DDX23: variants seen among roughly 807,000 people sequenced by gnomAD.
DDX23 encodes DEAD-box helicase 23.
In DDX23, 33 loss-of-function variants were observed where a neutral mutation model predicts 102.7. That is an observed-to-expected ratio of 0.32 (90% CI 0.24 to 0.43). The LOEUF is 0.43. Among genes scored for constraint, DDX23 ranks in the 20% least tolerant of loss-of-function variants. The probability of loss-of-function intolerance (pLI) is 1.00; values close to 1 mark genes in which losing one functional copy is unlikely to be tolerated. For missense variants in DDX23, 549 were observed against 1,086.6 expected (o/e 0.51, Z 6.96); for synonymous variants, 352 against 376.0 (o/e 0.94, Z 0.74).
At position 48,836,390 on chromosome 12, in the gene DDX23, G is replaced by A. The variant is rs1938468118; in HGVS notation, c.1237-124C>T. On this transcript the variant is annotated intron_variant, in intron 10 of 16. Transcript: ENST00000308025. This position sits in a 1 kb window ranked among gnomAD's most constrained non-coding sequence, Gnocchi z 6.1. ...ATGCCAAGTACAGTTCACAGAAATA[G>A]GGACCCCAAGAAGAAACCTAATCAC... 1.5e-6 allele frequency: 2 copies of A among 1,318,038 alleles called. No homozygotes were observed. The highest frequency in any genetic ancestry group is 2.1e-6 in the Non-Finnish European group (2 of 942,910). 81.6% of individuals were successfully genotyped at this position (1,318,038 alleles called of 1,614,324 possible).
In DDX23 at chr12:48,836,334, T is replaced by C. The variant is rs1053860231; in HGVS notation, c.1237-68A>G. On this transcript the variant is annotated intron_variant, in intron 10 of 16. Coordinates refer to ENST00000308025, the MANE Select transcript of DDX23 (RefSeq NM_004818.3). This position sits in a 1 kb window ranked among gnomAD's most constrained non-coding sequence, Gnocchi z 6.1. ...ATACCACCTGGGCAACCACTGATAG[T>C]AGTAAGCACATCTGCTAGCACAATG... 4 of 1,551,850 alleles carry C rather than the reference T, an allele frequency of 2.6e-6. No individual in the cohort carries two copies. In the Admixed American group the frequency reaches 6.7e-5, roughly 26 times the overall value.
chr12:48,841,703 T>G (rs977205128), intron 3 of DDX23, among the ~76,000 whole-genome samples: 56 of 152,234 alleles, frequency 3.7e-4, no homozygotes, highest in Non-Finnish European at 3.4e-4. Flanking sequence ...CCGCGAGTGA[T>G]CCGCCAGCCT....
rs750432832 is a variant in DDX23 at position 48,836,523 on chromosome 12, G to A, written c.1236+46C>T. ...AACAAAGTTCTCTATTCCCAAACTA[G>A]TGTAGGAACATGTCAGATCTCTTGG... On this transcript the variant is annotated intron_variant, in intron 10 of 16. Transcript: ENST00000308025. This position sits in a 1 kb window ranked among gnomAD's most constrained non-coding sequence, Gnocchi z 6.1. 1 of 1,571,888 alleles carries A rather than the reference G, an allele frequency of 6.4e-7. No individual in the cohort carries two copies. The highest frequency in any genetic ancestry group is 8.7e-7 in the Non-Finnish European group (1 of 1,144,982).
In DDX23 at chr12:48,832,818, G is replaced by A. The variant is rs186648845; in HGVS notation, c.1804-245C>T. 13 of 548,988 alleles carry A rather than the reference G, an allele frequency of 2.4e-5. No individual in the cohort carries two copies. The highest frequency in any genetic ancestry group is 6.7e-5 in the Admixed American group (2 of 29,946). The allele number at this position is 548,988 out of a possible 1,614,324, so 34.0% of individuals were successfully genotyped here. A position where few individuals can be genotyped will look rare whatever the true frequency, so the allele number is the denominator to read the frequency against. On this transcript the variant is annotated intron_variant, in intron 13 of 16. Transcript: ENST00000308025. The surrounding 1 kb of genome is among the most constrained non-coding windows in gnomAD (Gnocchi z 4.4). ...AGCATTTGCTAGCACCTGTGGTCCC[G>A]GTAGCAGCATGAGTCTTTGGAATCG...
At chr12:48,847,636 T>A (rs897975530) in intron 1 of DDX23, among the ~76,000 whole-genome samples, 1 of 151,548 alleles carries the variant, frequency 6.6e-6, no homozygotes, top group East Asian at 1.9e-4. Flanking sequence ...GAGACCAACC[T>A]GGGCAATATG....
intron 2 of DDX23, among the ~76,000 whole-genome samples, chr12:48,844,785 TA>T (rs887311975): frequency 6.6e-6 from 1 of 151,558 alleles, no homozygotes; most frequent in South Asian, 2.1e-4. Flanking sequence ...TCTCAACTTT[TA>T]AGAGTTGGGT....
rs1938421259 is a variant in DDX23, at chr12:48,833,530, C to G, written c.1561-11G>C. 6.2e-7 allele frequency: 1 copy of G among 1,611,816 alleles called. No individual in the cohort carries two copies. The highest frequency in any genetic ancestry group is 8.5e-7 in the Non-Finnish European group (1 of 1,178,926). Reference sequence around the variant, plus strand: ...GGTAGCAATCACAATCTGAGGAGTACAGTATAATCATTTATAGCCCAGCAG... The same window carrying G: ...GGTAGCAATCACAATCTGAGGAGTAGAGTATAATCATTTATAGCCCAGCAG... On this transcript the variant is annotated splice_polypyrimidine_tract_variant and intron_variant, in intron 12 of 16. Coordinates refer to ENST00000308025, the MANE Select transcript of DDX23 (RefSeq NM_004818.3).
chr12:48,836,582 T>C lies in DDX23; in HGVS notation c.1223A>G (p.Lys408Arg). 2 of 1,613,462 alleles carry C rather than the reference T, an allele frequency of 1.2e-6. No homozygotes were observed. The highest frequency in any genetic ancestry group is 1.7e-6 in the Non-Finnish European group (2 of 1,179,922). ...LPPHILEVIDKCGYKEPTPIQ... is the reference protein window; with the variant it reads ...LPPHILEVIDRCGYKEPTPIQ... ...ATCCCTCCTTACCTTGTAGCCACACTTATCAATGACCTCCAAGATGTGTGG... is the reference window on the plus strand; with the variant it reads ...ATCCCTCCTTACCTTGTAGCCACACCTATCAATGACCTCCAAGATGTGTGG... Residue 408 changes from lysine to arginine, a missense_variant, in exon 10 of 17, where the codon AAG (lysine) becomes AGG (arginine). Physicochemically the swap from Lys to Arg is conservative, Grantham distance 26. This residue lies in a region of DDX23 where 270 missense variants were observed against 707.0 expected (regional missense o/e 0.38). Transcript: ENST00000308025. The surrounding 1 kb of genome is among the most constrained non-coding windows in gnomAD (Gnocchi z 6.1).
In DDX23 at chr12:48,837,264, G is replaced by C; in HGVS notation, c.866+17C>G. 6.2e-7 allele frequency: 1 copy of C among 1,611,230 alleles called. No individual in the cohort carries two copies. Among genetic ancestry groups the C allele is most frequent in the South Asian group, 1.1e-5 (1 of 91,048 alleles). The stretch of plus-strand genomic sequence containing the variant: ...CCTAGTGGAAAAGACCTAGAACTCA[G>C]GCCTGAAGCCACTCACAGGGGGTTG... On this transcript the variant is annotated intron_variant, in intron 8 of 16. Coordinates refer to ENST00000308025, the MANE Select transcript of DDX23 (RefSeq NM_004818.3).
intron 12 of DDX23, 69 bp downstream of exon 12, chr12:48,834,251 G>C: frequency 6.8e-7 from 1 of 1,476,204 alleles, no homozygotes; most frequent in Non-Finnish European, 9.2e-7. Context: ...ATATATTCCA[G>C]AAACTAGAAA....
At chr12:48,849,889 C>A (rs989470200) in intron 1 of DDX23, among the ~76,000 whole-genome samples, 1 of 152,168 alleles carries the variant, frequency 6.6e-6, no homozygotes, top group African/African-American at 2.4e-5. Flanking sequence ...ATCACCTGAG[C>A]CCAGGCTGAG....
intron 6 of DDX23, 142 bp from the exon 7 acceptor site, chr12:48,837,799 A>G: frequency 6.5e-7 from 1 of 1,531,728 alleles, no homozygotes; most frequent in East Asian, 2.3e-5. Flanking sequence ...ATCTAACAGA[A>G]AAATGTTTTC....
At chr12:48,849,488 C>T (rs1484483741) in intron 1 of DDX23, among the ~76,000 whole-genome samples, 4 of 151,848 alleles carry the variant, frequency 2.6e-5, no homozygotes, top group African/African-American at 9.7e-5. Flanking sequence ...AGGGTGAAAC[C>T]CCGTCTCTAC....
intron 1 of DDX23, among the ~76,000 whole-genome samples, chr12:48,848,307 AC>A (rs63409062): frequency 0.072 from 10,855 of 149,970 alleles, 376 homozygotes; most frequent in Non-Finnish European, 0.11. Context: ...AAAACAAAAA[AC>A]AAAAAAAAAA....
intron 3 of DDX23, among the ~76,000 whole-genome samples, chr12:48,840,933 C>T (rs1301942224): frequency 2.6e-5 from 4 of 152,006 alleles, no homozygotes; most frequent in Non-Finnish European, 5.9e-5. Flanking sequence ...ATCTATATTC[C>T]CTCATCATTT....
chr12:48,836,252 T>A lies in DDX23; in HGVS notation c.1251A>T (p.Ile417=), dbSNP rs1057908. ...DKCGYKEPTP[I]QRQAIPIGLQ... is the part of the protein sequence containing the mutation. Reference sequence around the variant, plus strand: ...GCCCAATGGGAATTGCCTGACGCTGTATAGGTGTTGGTTCCTGCAGTGACC... The same window carrying A: ...GCCCAATGGGAATTGCCTGACGCTGAATAGGTGTTGGTTCCTGCAGTGACC... The change falls in exon 11 of 17, where the codon ATA becomes ATT. Residue 417 remains isoleucine (I), a synonymous_variant. Coordinates refer to ENST00000308025, the MANE Select transcript of DDX23 (RefSeq NM_004818.3). This position sits in a 1 kb window ranked among gnomAD's most constrained non-coding sequence, Gnocchi z 6.1. 3.1e-6 allele frequency: 5 copies of A among 1,613,800 alleles called. No individual in the cohort carries two copies. The Admixed American group carries it at 8.3e-5, about 27-fold the overall frequency.
In DDX23 at chr12:48,830,798, A is replaced by T. The variant is rs540793740; in HGVS notation, c.2240-106T>A. On this transcript the variant is annotated intron_variant, in intron 16 of 16. Coordinates refer to ENST00000308025, the MANE Select transcript of DDX23 (RefSeq NM_004818.3). The surrounding 1 kb of genome is among the most constrained non-coding windows in gnomAD (Gnocchi z 4.9). ...TCCTTCCCACCCCATCTCCAAAGGC[A>T]GGAATACAGCACATGCTGCCTGAAC... 1 of 1,211,580 alleles carries T rather than the reference A, an allele frequency of 8.3e-7. No individual in the cohort carries two copies. The highest frequency in any genetic ancestry group is 2.4e-5 in the East Asian group (1 of 41,054). The allele number at this position is 1,211,580 out of a possible 1,614,324, so 75.1% of individuals were successfully genotyped here.
rs1318591595 is a variant in DDX23 at position 48,836,385 on chromosome 12, A to G, written c.1237-119T>C. ...GAAGGATGCCAAGTACAGTTCACAG[A>G]AATAGGGACCCCAAGAAGAAACCTA... On this transcript the variant is annotated intron_variant, in intron 10 of 16. Transcript: ENST00000308025. The surrounding 1 kb of genome is among the most constrained non-coding windows in gnomAD (Gnocchi z 6.1). 7.5e-7 allele frequency: 1 copy of G among 1,338,278 alleles called. No homozygotes were observed. Among genetic ancestry groups the G allele is most frequent in the Non-Finnish European group, 1.0e-6 (1 of 959,212 alleles). 82.9% of individuals were successfully genotyped at this position (1,338,278 alleles called of 1,614,324 possible).
rs1396860700 is a variant in DDX23 at position 48,836,866 on chromosome 12, T to C, written c.1010+28A>G. Reference sequence around the variant, plus strand: ...CTTTCTGTAGAGCCTCTGGGCTCTGTCCAGCCACCCTAGCCTTGATCACTC... The same window carrying C: ...CTTTCTGTAGAGCCTCTGGGCTCTGCCCAGCCACCCTAGCCTTGATCACTC... On this transcript the variant is annotated intron_variant, in intron 9 of 16. Coordinates refer to ENST00000308025, the MANE Select transcript of DDX23 (RefSeq NM_004818.3). This position sits in a 1 kb window ranked among gnomAD's most constrained non-coding sequence, Gnocchi z 6.1. The C allele has an allele frequency of 1.8e-5, 29 of 1,613,824 alleles. No homozygotes were observed. Among genetic ancestry groups the C allele is most frequent in the Non-Finnish European group, 2.5e-5 (29 of 1,179,978 alleles).
Sources: gnomAD v4.1 joint callset for allele counts (sites outside exome capture counted in the v4.1 genomes callset) on GRCh38, gnomAD v4.1.1 for gene constraint, gnomAD v4.1.1 regional missense constraint, Gnocchi (gnomAD v3.1) non-coding constraint, MANE v1.5 for transcripts, NCBI Gene and HGNC (gene_info 2026-07-23, HGNC 2026-07-21) for gene names.